Variants in PRDM16 observed in about 807,000 individuals in gnomAD.
PRDM16 encodes the protein PR/SET domain 16.
PRDM16 carries 23 observed loss-of-function variants against 110.6 expected under a neutral mutation model. The observed-to-expected ratio is 0.21, with a 90% CI of 0.15 to 0.29. The LOEUF is 0.29. Ranked by LOEUF, PRDM16 falls within the 10% of genes least tolerant of loss-of-function variation. The pLI is 1.00. For missense variants in PRDM16, 1,615 were observed against 1,794.3 expected (o/e 0.90, Z 1.81); for synonymous variants, 799 against 781.8 (o/e 1.02, Z -0.37).
chr1:3,101,087 G>A (rs975834172), intron 1 of PRDM16, among the ~76,000 whole-genome samples: 7 of 152,122 alleles, frequency 4.6e-5, no homozygotes, highest in African/African-American at 1.2e-4. Flanking sequence ...TCCCCATCTC[G>A]CCCGGCTGGC....
chr1:3,207,897 A>G (rs1638790246), intron 2 of PRDM16: 1 of 152,386 alleles, frequency 6.6e-6, no homozygotes, highest in Non-Finnish European at 1.5e-5. Context: ...CCCCTGGAGC[A>G]AACCCCTGGG....
At chr1:3,420,380 C>T (rs574068873) in intron 12 of PRDM16, among the ~76,000 whole-genome samples, 32 of 152,358 alleles carry the variant, frequency 2.1e-4, no homozygotes, top group African/African-American at 7.0e-4. Flanking sequence ...CCCATGCCCG[C>T]CCCAGTGTGA....
At chr1:3,094,767 C>T (rs908651103) in intron 1 of PRDM16, among the ~76,000 whole-genome samples, 2 of 152,226 alleles carry the variant, frequency 1.3e-5, no homozygotes, top group South Asian at 2.1e-4. Context: ...GCAAGGCCTT[C>T]GGGTGCTTCC....
chr1:3,408,943 A>T (rs1411144266), intron 8 of PRDM16, among the ~76,000 whole-genome samples: 3 of 107,422 alleles, frequency 2.8e-5, no homozygotes, highest in African/African-American at 1.2e-4. Flanking sequence ...CACGCATGAG[A>T]GTGAGGGGCG....
chr1:3,390,829 A>AGT lies in PRDM16; in HGVS notation c.573+5548_573+5549dup, dbSNP rs1469889246. 2.3e-5 allele frequency among the ~76,000 whole-genome samples: 3 copies of AGT among 132,672 alleles called. No homozygotes were observed. Among genetic ancestry groups the AGT allele is most frequent in the African/African-American group, 5.6e-5 (2 of 35,586 alleles). 87.0% of individuals were successfully genotyped at this position (132,672 alleles called of 152,430 possible). ...TATTCCCTTTGCTTTTATCTCTCAC[A>AGT]GTGTGTTTTTTTTTTTTTTTTTTTA... On this transcript the variant is annotated intron_variant, in intron 4 of 16. Coordinates refer to ENST00000270722, the MANE Select transcript of PRDM16 (RefSeq NM_022114.4). This position sits in a 1 kb window ranked among gnomAD's most constrained non-coding sequence, Gnocchi z 5.0.
At chr1:3,152,927 G>T (rs987591402) in intron 1 of PRDM16, among the ~76,000 whole-genome samples, 2 of 152,238 alleles carry the variant, frequency 1.3e-5, no homozygotes, top group African/African-American at 4.8e-5. Flanking sequence ...CAGAAGACAG[G>T]CTCTGAGGAC....
chr1:3,114,044 G>C (rs1454319838), intron 1 of PRDM16, among the ~76,000 whole-genome samples: 1 of 152,224 alleles, frequency 6.6e-6, no homozygotes, highest in East Asian at 1.9e-4. Context: ...AGGAGTTTCA[G>C]GGACAAAGTT....
chr1:3,219,731 A>G (rs1639110298), intron 2 of PRDM16, among the ~76,000 whole-genome samples: 1 of 152,150 alleles, frequency 6.6e-6, no homozygotes, highest in African/African-American at 2.4e-5. Context: ...AGGAGCGGCC[A>G]TCTCTCTCGC....
rs543257386 is a variant in PRDM16 at position 3,171,786 on chromosome 1, G to C, written c.38-14339G>C. Among the ~76,000 whole-genome samples, 3 of 152,248 alleles carry C rather than the reference G, an allele frequency of 2.0e-5. No individual in the cohort carries two copies. In the South Asian group the frequency reaches 6.2e-4, roughly 32 times the overall value. On this transcript the variant is annotated intron_variant, in intron 1 of 16. Coordinates refer to ENST00000270722, the MANE Select transcript of PRDM16 (RefSeq NM_022114.4). ...CTGGCTGAGCCTCCAGGAAGAGCCTGAGGAAGCCTCCGGGTGAGAGGTGAC... is the reference window on the plus strand; with the variant it reads ...CTGGCTGAGCCTCCAGGAAGAGCCTCAGGAAGCCTCCGGGTGAGAGGTGAC...
intron 3 of PRDM16, among the ~76,000 whole-genome samples, chr1:3,373,029 C>CT (rs1642931215): frequency 6.6e-6 from 1 of 152,194 alleles, no homozygotes; most frequent in Non-Finnish European, 1.5e-5. Context: ...ATATCAGCAG[C>CT]TTGGGCATCA....
chr1:3,080,768 G>T lies in PRDM16; in HGVS notation c.37+11472G>T, dbSNP rs781062582. Among the ~76,000 whole-genome samples the T allele has an allele frequency of 1.3e-5, 2 of 152,084 alleles. No homozygotes were observed. The highest frequency in any genetic ancestry group is 2.9e-5 in the Non-Finnish European group (2 of 68,030). On this transcript the variant is annotated intron_variant, in intron 1 of 16. Transcript: ENST00000270722. This position sits in a 1 kb window ranked among gnomAD's most constrained non-coding sequence, Gnocchi z 5.2. ...AGGAACATGTTGGGCGGTTTCTTCC[G>T]GGCCGGGGAAATCTGAGCAGCCACA...
intron 1 of PRDM16, among the ~76,000 whole-genome samples, chr1:3,170,977 C>T (rs765890489): frequency 3.3e-5 from 5 of 152,250 alleles, no homozygotes; most frequent in African/African-American, 9.6e-5. Context: ...CTCCCCAGCC[C>T]GTCTTGGCTA....
intron 4 of PRDM16, chr1:3,394,567 C>A: frequency 5.1e-6 from 2 of 390,398 alleles, no homozygotes; most frequent in South Asian, 1.8e-5. Flanking sequence ...TGCCCTCTAA[C>A]GGGACCCCTC....
At position 3,350,412 on chromosome 1, in the gene PRDM16, T is replaced by TAA. The variant is rs1642459480; in HGVS notation, c.439-34740_439-34739insAA. On this transcript the variant is annotated intron_variant, in intron 3 of 16. Transcript: ENST00000270722. This position sits in a 1 kb window ranked among gnomAD's most constrained non-coding sequence, Gnocchi z 7.1. ...GGCACCCTTGAAGCCACCCCCTCTT[T>TAA]CCCTCCTGGGCTCTACTGCTCCGTC... is the stretch of plus-strand genomic sequence containing the variant. 6.6e-6 allele frequency among the ~76,000 whole-genome samples: 1 copy of TAA among 152,136 alleles called. No homozygotes were observed. Among genetic ancestry groups the TAA allele is most frequent in the African/African-American group, 2.4e-5 (1 of 41,450 alleles).
chr1:3,231,448 C>CCT (rs1450792698), intron 2 of PRDM16, among the ~76,000 whole-genome samples: 1 of 152,010 alleles, frequency 6.6e-6, no homozygotes, highest in African/African-American at 2.4e-5. Flanking sequence ...GGCCGTCCCC[C>CCT]TGGGGCATCT....
chr1:3,254,573 A>G (rs899524638), intron 3 of PRDM16, among the ~76,000 whole-genome samples: 5 of 152,250 alleles, frequency 3.3e-5, no homozygotes, highest in African/African-American at 1.2e-4. Context: ...CAAAGAGAAT[A>G]AAGTACCTAG....
At chr1:3,129,463 ATGTGTG>A (rs149387082) in intron 1 of PRDM16, among the ~76,000 whole-genome samples, 2 of 150,506 alleles carry the variant, frequency 1.3e-5, no homozygotes, top group Non-Finnish European at 3.0e-5. Flanking sequence ...CTGTGTGTGC[ATGTGTG>A]TGTGTGTGTG....
chr1:3,267,009 C>T (rs1421434227), intron 3 of PRDM16, among the ~76,000 whole-genome samples: 1 of 152,174 alleles, frequency 6.6e-6, no homozygotes, highest in African/African-American at 2.4e-5. Context: ...CCTTTTCTTT[C>T]TTTTCTTAAA....
intron 1 of PRDM16, among the ~76,000 whole-genome samples, chr1:3,138,509 G>A (rs1643483774): frequency 6.6e-6 from 1 of 152,220 alleles, no homozygotes; most frequent in Non-Finnish European, 1.5e-5. Flanking sequence ...AAGTCTTCAC[G>A]CCGGGGTGGC....
Sources: gnomAD v4.1 joint callset for allele counts (sites outside exome capture counted in the v4.1 genomes callset) on GRCh38, gnomAD v4.1.1 for gene constraint, Gnocchi (gnomAD v3.1) non-coding constraint, MANE v1.5 for transcripts, NCBI Gene and HGNC (gene_info 2026-07-23, HGNC 2026-07-21) for gene names.